SULF1: variants seen among roughly 807,000 people sequenced by gnomAD.
SULF1 encodes the protein extracellular sulfatase Sulf-1.
SULF1 carries 46 observed loss-of-function variants against 110.5 expected under a neutral mutation model. The ratio of observed to expected loss-of-function variants is 0.42; its 90% CI spans 0.33 to 0.53. SULF1 has a LOEUF of 0.53. SULF1 is among the 20% of genes least tolerant of loss of function. The pLI is 0.12. For missense variants in SULF1, 941 were observed against 1,094.2 expected (o/e 0.86, Z 1.98); for synonymous variants, 371 against 387.1 (o/e 0.96, Z 0.49).
chr8:69,627,720 G>A (rs373540649), intron 16 of SULF1, 52 bp from the exon 17 acceptor site: 1 of 1,239,172 alleles, frequency 8.1e-7, no homozygotes, highest in Non-Finnish European at 1.2e-6. Flanking sequence ...AAAGTACTTT[G>A]TAAAGAAAAT....
At chr8:69,517,356 G>A (rs1339646683) in intron 3 of SULF1, among the ~76,000 whole-genome samples, 5 of 152,130 alleles carry the variant, frequency 3.3e-5, no homozygotes, top group Non-Finnish European at 5.9e-5. Flanking sequence ...AAATTTCAAC[G>A]TGAGTTTTGA....
chr8:69,542,194 T>C (rs1396206754), intron 3 of SULF1, among the ~76,000 whole-genome samples: 2 of 152,176 alleles, frequency 1.3e-5, no homozygotes, highest in Non-Finnish European at 2.9e-5. Flanking sequence ...AGGTCACTAC[T>C]GTAAGACCTT....
At chr8:69,606,863 A>G (rs1808252573) in intron 13 of SULF1, among the ~76,000 whole-genome samples, 1 of 152,222 alleles carries the variant, frequency 6.6e-6, no homozygotes, top group Non-Finnish European at 1.5e-5. Flanking sequence ...ATGTGGATAT[A>G]TGAGAACGTC....
intron 3 of SULF1, among the ~76,000 whole-genome samples, chr8:69,549,388 C>T (rs1211214486): frequency 6.6e-6 from 1 of 152,114 alleles, no homozygotes; most frequent in Admixed American, 6.5e-5. Flanking sequence ...CCTCTTTTCC[C>T]CTACTGTGAT....
chr8:69,478,314 CTG>C (rs1809386461), intron 1 of SULF1, among the ~76,000 whole-genome samples: 1 of 152,182 alleles, frequency 6.6e-6, no homozygotes, highest in South Asian at 2.1e-4. Flanking sequence ...TATTTCTACA[CTG>C]TTTCATCATA....
chr8:69,497,343 A>G (rs1810437152), intron 2 of SULF1, among the ~76,000 whole-genome samples: 1 of 151,860 alleles, frequency 6.6e-6, no homozygotes, highest in African/African-American at 2.4e-5. Flanking sequence ...TTTTTAGTAG[A>G]GACGGGGTTT....
chr8:69,589,817 T>C (rs1806759897), intron 8 of SULF1, among the ~76,000 whole-genome samples: 1 of 152,124 alleles, frequency 6.6e-6, no homozygotes, highest in South Asian at 2.1e-4. Context: ...ATCTAGATGC[T>C]TTGGCAGCAA....
chr8:69,583,660 G>A (rs1021951944), intron 6 of SULF1, among the ~76,000 whole-genome samples: 2 of 152,156 alleles, frequency 1.3e-5, no homozygotes, highest in Non-Finnish European at 2.9e-5. Context: ...TTGGATTCAT[G>A]AACCCAAATT....
chr8:69,644,620 A>G (rs1401218089), intron 22 of SULF1, among the ~76,000 whole-genome samples: 1 of 142,968 alleles, frequency 7.0e-6, no homozygotes, highest in Admixed American at 6.8e-5. Context: ...CTAAAAATAC[A>G]AAAAAAAAAG....
Position 69,623,330 on chromosome 8 carries a change from T to C in SULF1, c.1595-612T>C, listed in dbSNP as rs73686109. 2.9e-3 allele frequency among the ~76,000 whole-genome samples: 442 copies of C among 152,324 alleles called. 2 individuals carry two copies. Among genetic ancestry groups the C allele is most frequent in the African/African-American group, 1.0e-2 (414 of 41,566 alleles). ...AAGACTTCATAGTCTCAGAAGATTATAGTCCTAGCTCCATAACCTTGCAAA... is the reference window on the plus strand; with the variant it reads ...AAGACTTCATAGTCTCAGAAGATTACAGTCCTAGCTCCATAACCTTGCAAA... On this transcript the variant is annotated intron_variant, in intron 14 of 22. Transcript: ENST00000402687.
chr8:69,528,229 C>T (rs568681713), intron 3 of SULF1, among the ~76,000 whole-genome samples: 1 of 152,276 alleles, frequency 6.6e-6, no homozygotes, highest in South Asian at 2.1e-4. Context: ...ATTTTCCCCA[C>T]CACTGAATTC....
At chr8:69,648,138 A>AG (rs1812071837) in intron 22 of SULF1, among the ~76,000 whole-genome samples, 1 of 142,900 alleles carries the variant, frequency 7.0e-6, no homozygotes, top group African/African-American at 2.9e-5. Flanking sequence ...CTGTGCCTTC[A>AG]GAAAAAAAAA....
At chr8:69,523,078 G>C (rs1199522624) in intron 3 of SULF1, among the ~76,000 whole-genome samples, 1 of 152,194 alleles carries the variant, frequency 6.6e-6, no homozygotes, top group African/African-American at 2.4e-5. Context: ...ATTTTGAGGA[G>C]AAGCATGATC....
chr8:69,600,480 G>A, intron 8 of SULF1, 123 bp from the exon 9 acceptor site: 2 of 899,780 alleles, frequency 2.2e-6, no homozygotes, highest in Non-Finnish European at 1.6e-6. Context: ...ATAGTTGGAA[G>A]AGGAAAATGT....
chr8:69,522,054 G>GT (rs1360697342), intron 3 of SULF1, among the ~76,000 whole-genome samples: 75 of 149,360 alleles, frequency 5.0e-4, no homozygotes, highest in African/African-American at 1.7e-3. Flanking sequence ...GATCATGGAC[G>GT]ATTTTTTTTT....
At chr8:69,485,729 T>C (rs1416849061) in intron 1 of SULF1, among the ~76,000 whole-genome samples, 2 of 152,196 alleles carry the variant, frequency 1.3e-5, no homozygotes, top group Non-Finnish European at 2.9e-5. Flanking sequence ...CTCCTGTGCG[T>C]TCCCACACTC....
At chr8:69,478,277 T>A (rs1809385114) in intron 1 of SULF1, among the ~76,000 whole-genome samples, 2 of 152,204 alleles carry the variant, frequency 1.3e-5, no homozygotes, top group African/African-American at 4.8e-5. Context: ...TCTCCACTCA[T>A]CTTACCTACT....
At chr8:69,657,064 T>C (rs558023036) in intron 22 of SULF1, among the ~76,000 whole-genome samples, 2 of 152,228 alleles carry the variant, frequency 1.3e-5, no homozygotes, top group Non-Finnish European at 2.9e-5. Context: ...TTTATGGTAA[T>C]TTGATATAGA....
At chr8:69,487,482 T>C (rs896636659) in intron 1 of SULF1, among the ~76,000 whole-genome samples, 3 of 152,242 alleles carry the variant, frequency 2.0e-5, no homozygotes, top group Non-Finnish European at 4.4e-5. Context: ...CAGCGAGTAC[T>C]GTATGTATGT....
Sources: gnomAD v4.1 joint callset for allele counts (sites outside exome capture counted in the v4.1 genomes callset) on GRCh38, gnomAD v4.1.1 for gene constraint, MANE v1.5 for transcripts, NCBI Gene and HGNC (gene_info 2026-07-23, HGNC 2026-07-21) for gene names.